FAM185A: variants seen among roughly 807,000 people sequenced by gnomAD.
FAM185A encodes family with sequence similarity 185 member A, also known as protein FAM185A.
A neutral mutation model predicts 45.7 loss-of-function variants in FAM185A; 21 were observed. That is an observed-to-expected ratio of 0.46 (90% CI 0.33 to 0.66). FAM185A has a LOEUF of 0.66. Ranked by LOEUF, FAM185A falls within the 30% of genes least tolerant of loss-of-function variation. FAM185A has a pLI of 0.03. For synonymous variants in FAM185A, 117 were observed against 194.0 expected (o/e 0.60, Z 3.30); for missense variants, 305 against 485.4 (o/e 0.63, Z 3.49).
At chr7:102,844,767 T>C in the FAM185A span, among the ~76,000 whole-genome samples, 3 of 152,186 alleles carry the variant, frequency 2.0e-5, no homozygotes, top group Non-Finnish European at 4.4e-5. Flanking sequence ...CCAATCCCAG[T>C]AGATTTCAGA....
the FAM185A span, among the ~76,000 whole-genome samples, chr7:102,850,044 T>C: frequency 3.9e-5 from 6 of 152,082 alleles, no homozygotes; most frequent in Non-Finnish European, 5.9e-5. Flanking sequence ...TGTTCATGAA[T>C]TTGAGTAGAA....
At chr7:102,757,989 T>C in intron 3 of FAM185A, 43 bp downstream of exon 3, 1 of 1,544,896 alleles carries the variant, frequency 6.5e-7, no homozygotes. Context: ...ATTGCAACTT[T>C]GCTTCCATTT....
At chr7:102,823,010 C>T in the FAM185A span, among the ~76,000 whole-genome samples, 1 of 152,058 alleles carries the variant, frequency 6.6e-6, no homozygotes, top group Admixed American at 6.5e-5. Context: ...TTCAGTGAGC[C>T]GAGATCACGC....
At chr7:102,768,684 T>C (rs988427495) in intron 4 of FAM185A, among the ~76,000 whole-genome samples, 1 of 151,700 alleles carries the variant, frequency 6.6e-6, no homozygotes, top group Non-Finnish European at 1.5e-5. Context: ...ATGTTTATCT[T>C]TAAATTGATT....
chr7:102,807,684 C>T (rs77419533), intron 7 of FAM185A, among the ~76,000 whole-genome samples: 8 of 150,442 alleles, frequency 5.3e-5, no homozygotes, highest in African/African-American at 9.8e-5. Context: ...GAGGCCGAGG[C>T]GGGTGGATCA....
chr7:102,821,654 A>G, the FAM185A span, among the ~76,000 whole-genome samples: 1 of 152,354 alleles, frequency 6.6e-6, no homozygotes, highest in South Asian at 2.1e-4. Context: ...CAGTTAAAAT[A>G]CTTGCACATT....
At chr7:102,825,590 C>A in the FAM185A span, among the ~76,000 whole-genome samples, 1 of 152,178 alleles carries the variant, frequency 6.6e-6, no homozygotes, top group Non-Finnish European at 1.5e-5. Flanking sequence ...GGTATGACCA[C>A]TTTTGTGGCT....
intron 7 of FAM185A, among the ~76,000 whole-genome samples, chr7:102,788,703 C>T (rs1344660698): frequency 6.6e-6 from 1 of 152,134 alleles, no homozygotes; most frequent in African/African-American, 2.4e-5. Context: ...TGTTATTAGG[C>T]AATTTTGTTG....
At chr7:102,822,489 A>G in the FAM185A span, 1 of 549,096 alleles carries the variant, frequency 1.8e-6, no homozygotes, top group Non-Finnish European at 3.5e-6. Context: ...GTCTTCTTAT[A>G]TGGTCATAAT....
Position 102,755,788 on chromosome 7 carries a change from A to G in FAM185A, c.562-2066A>G, listed in dbSNP as rs1584273873. The G allele has an allele frequency of 2.2e-5, 14 of 649,758 alleles. No homozygotes were observed. In the East Asian group the frequency reaches 4.3e-4, roughly 20 times the overall value. 40.2% of individuals were successfully genotyped at this position (649,758 alleles called of 1,614,324 possible). A position where few individuals can be genotyped will look rare whatever the true frequency, so the allele number is the denominator to read the frequency against. Reference sequence around the variant, plus strand: ...TCAGAAGACAAAGGAGCTTTGGCTAAGCTGATGGAAGCTATCGGGACCAAT... The same window carrying G: ...TCAGAAGACAAAGGAGCTTTGGCTAGGCTGATGGAAGCTATCGGGACCAAT... On this transcript the variant is annotated intron_variant, in intron 2 of 7. Transcript: ENST00000413034.
At position 102,751,733 on chromosome 7, in the gene FAM185A, C is replaced by T. The variant is rs1793375390; in HGVS notation, c.493C>T (p.Gln165Ter). The T allele has an allele frequency of 1.3e-5, 20 of 1,551,398 alleles. No homozygotes were observed. Among genetic ancestry groups the T allele is most frequent in the Non-Finnish European group, 1.7e-5 (19 of 1,146,756 alleles). ...KSSGSGCVKV[Q>*]SIEGDNCKIE... ...ATCAGGGTCTGGCTGTGTAAAAGTT[C>T]AAAGTATTGAGGGTGATAATTGCAA... Residue 165 changes from glutamine to a stop codon, truncating the protein, a stop_gained, in exon 2 of 8, where the codon CAA (glutamine) becomes TAA (stop). Coordinates refer to ENST00000413034, the MANE Select transcript of FAM185A (RefSeq NM_001145268.2). LOFTEE classifies it high-confidence loss of function.
chr7:102,770,002 C>T (rs1174937334), intron 4 of FAM185A, among the ~76,000 whole-genome samples: 1 of 152,174 alleles, frequency 6.6e-6, no homozygotes, highest in African/African-American at 2.4e-5. Flanking sequence ...AAGTTTCCAA[C>T]ACATGAACTT....
intron 4 of FAM185A, among the ~76,000 whole-genome samples, chr7:102,770,565 CAAGAG>C (rs1794688812): frequency 6.6e-6 from 1 of 151,830 alleles, no homozygotes; most frequent in Admixed American, 6.6e-5. Flanking sequence ...GCTCATTTCT[CAAGAG>C]AAGACGTACA....
chr7:102,834,050 A>AAGGG, the FAM185A span, among the ~76,000 whole-genome samples: 4 of 109,948 alleles, frequency 3.6e-5, no homozygotes, highest in South Asian at 3.1e-4. Flanking sequence ...GGAAGGAAGG[A>AAGGG]AGGAAGGAAG....
intron 6 of FAM185A, among the ~76,000 whole-genome samples, chr7:102,785,533 A>G (rs1301053231): frequency 1.3e-5 from 2 of 152,326 alleles, no homozygotes; most frequent in African/African-American, 4.8e-5. Flanking sequence ...CTGCATATCT[A>G]CAACCATCTG....
chr7:102,795,149 G>A (rs201793827), intron 7 of FAM185A, among the ~76,000 whole-genome samples: 19,266 of 152,084 alleles, frequency 0.13, 1,537 homozygotes, highest in East Asian at 0.4. Flanking sequence ...AGACATACCC[G>A]AAAAATGAAT....
downstream of FAM185A, among the ~76,000 whole-genome samples, chr7:102,811,358 T>G (rs1797425006): frequency 6.6e-6 from 1 of 152,212 alleles, no homozygotes; most frequent in Non-Finnish European, 1.5e-5. Context: ...ACTAATATCT[T>G]TGATATTTTG....
intron 4 of FAM185A, among the ~76,000 whole-genome samples, chr7:102,767,689 T>C (rs916969155): frequency 5.9e-5 from 9 of 152,098 alleles, no homozygotes; most frequent in Non-Finnish European, 7.4e-5. Context: ...TTCAAATCTA[T>C]GTCTCTAGCC....
chr7:102,789,367 G>A (rs1396578817), intron 7 of FAM185A, among the ~76,000 whole-genome samples: 6 of 152,176 alleles, frequency 3.9e-5, no homozygotes, highest in East Asian at 1.9e-4. Flanking sequence ...TGATCCTCCC[G>A]CCTCAACTTC....
Sources: gnomAD v4.1 joint callset for allele counts (sites outside exome capture counted in the v4.1 genomes callset) on GRCh38, gnomAD v4.1.1 for gene constraint, MANE v1.5 for transcripts, NCBI Gene and HGNC (gene_info 2026-07-23, HGNC 2026-07-21) for gene names.